Variants in DENND6A observed in about 807,000 individuals in gnomAD.
The protein encoded by DENND6A is protein DENND6A.
DENND6A carries 43 observed loss-of-function variants against 95.5 expected under a neutral mutation model. That is an observed-to-expected ratio of 0.45 (90% confidence interval 0.35 to 0.58). The LOEUF (loss-of-function observed/expected upper bound fraction) is 0.58. DENND6A is among the 20% of genes least tolerant of loss of function. The pLI is 0.00. For synonymous variants in DENND6A, 257 were observed against 260.4 expected (o/e 0.99, Z 0.13); for missense variants, 574 against 736.0 (o/e 0.78, Z 2.55).
chr3:57,646,120 G>C (rs2071074842), intron 10 of DENND6A, among the ~76,000 whole-genome samples, 196 bp downstream of exon 10: 1 of 152,156 alleles, frequency 6.6e-6, no homozygotes, highest in Non-Finnish European at 1.5e-5. Context: ...CAGCCCTCAG[G>C]GAGCCTGAAT....
At chr3:57,687,260 T>C (rs1008534796) in intron 1 of DENND6A, among the ~76,000 whole-genome samples, 1 of 152,160 alleles carries the variant, frequency 6.6e-6, no homozygotes, top group Non-Finnish European at 1.5e-5. Context: ...AAAGTCTGAG[T>C]GGTCTGGATA....
intron 1 of DENND6A, among the ~76,000 whole-genome samples, chr3:57,681,486 T>C (rs1354417173): frequency 1.3e-5 from 2 of 151,388 alleles, no homozygotes; most frequent in Non-Finnish European, 2.9e-5. Context: ...TAGGCAGGCA[T>C]AGTGGCAGGC....
intron 11 of DENND6A, 85 bp downstream of exon 11, chr3:57,645,576 C>T: frequency 2.0e-6 from 2 of 983,982 alleles, no homozygotes; most frequent in Admixed American, 2.4e-5. Flanking sequence ...ATCATTCTGC[C>T]TATAAGCTTT....
At chr3:57,659,793 G>A (rs1233651930) in intron 7 of DENND6A, among the ~76,000 whole-genome samples, 1 of 152,196 alleles carries the variant, frequency 6.6e-6, no homozygotes, top group Non-Finnish European at 1.5e-5. Flanking sequence ...AACATGTGTG[G>A]TCTGACATCA....
chr3:57,688,415 A>G (rs918193175), intron 1 of DENND6A, among the ~76,000 whole-genome samples: 3 of 152,022 alleles, frequency 2.0e-5, no homozygotes, highest in African/African-American at 7.3e-5. Flanking sequence ...TGTCCCTCCT[A>G]TTGCAGGGGT....
rs67472290 is a variant in DENND6A at position 57,650,421 on chromosome 3, T to TACACACACAC, written c.819-3993_819-3984dup. On this transcript the variant is annotated intron_variant, in intron 9 of 19. Transcript: ENST00000311128. Reference sequence around the variant, plus strand: ...GTGTGTATATATACATGCATTTACATACACACACACACACACACACACACA... The same window carrying TACACACACAC: ...GTGTGTATATATACATGCATTTACATACACACACACACACACACACACACACACACACACA... Among the ~76,000 whole-genome samples, 36 of 149,976 alleles carry TACACACACAC rather than the reference T, an allele frequency of 2.4e-4. No homozygotes were observed. The East Asian group carries it at 4.3e-3, about 18-fold the overall frequency.
At chr3:57,631,492 C>T (rs1485758488) in intron 15 of DENND6A, among the ~76,000 whole-genome samples, 6 of 152,062 alleles carry the variant, frequency 3.9e-5, no homozygotes, top group Non-Finnish European at 8.8e-5. Context: ...CCGCGCCCAA[C>T]AACGCGGTCC....
intron 10 of DENND6A, among the ~76,000 whole-genome samples, chr3:57,645,989 T>C (rs1031354593): frequency 3.3e-5 from 5 of 152,228 alleles, no homozygotes; most frequent in Non-Finnish European, 5.9e-5. Flanking sequence ...CTGGCTCTAC[T>C]GTTCACTAGC....
At chr3:57,637,772 A>G (rs1009035027) in intron 12 of DENND6A, among the ~76,000 whole-genome samples, 27 of 150,644 alleles carry the variant, frequency 1.8e-4, no homozygotes, top group Non-Finnish European at 2.9e-4. Context: ...ACTTCAAAAA[A>G]AAAAAAAGCA....
intron 5 of DENND6A, among the ~76,000 whole-genome samples, chr3:57,663,174 AT>A (rs1418356378): frequency 1.4e-5 from 2 of 146,852 alleles, no homozygotes; most frequent in Non-Finnish European, 1.5e-5. Flanking sequence ...AAAAAAAAAA[AT>A]CTATATATAA....
At chr3:57,636,516 G>C (rs559181994) in intron 12 of DENND6A, among the ~76,000 whole-genome samples, 1 of 152,306 alleles carries the variant, frequency 6.6e-6, no homozygotes, top group Admixed American at 6.5e-5. Flanking sequence ...AATATGGAGG[G>C]AAAGGTGCTG....
chr3:57,681,181 T>C (rs1406325449), intron 1 of DENND6A, among the ~76,000 whole-genome samples: 1 of 152,070 alleles, frequency 6.6e-6, no homozygotes, highest in Non-Finnish European at 1.5e-5. Context: ...AGTTTAAAAA[T>C]TAGCCAGGCC....
In DENND6A at chr3:57,672,305, A is replaced by C. The variant is rs1265538881; in HGVS notation, c.277-7T>G. ...AATAGCAAATATTGGTTTTCTGAAAAAGAAAACAAAAGTGATGTATGCTGA... is the reference window on the plus strand; with the variant it reads ...AATAGCAAATATTGGTTTTCTGAAACAGAAAACAAAAGTGATGTATGCTGA... On this transcript the variant is annotated splice_polypyrimidine_tract_variant and splice_region_variant and intron_variant, in intron 2 of 19. Transcript: ENST00000311128. 1.9e-6 allele frequency: 3 copies of C among 1,609,078 alleles called. No individual in the cohort carries two copies. Among genetic ancestry groups the C allele is most frequent in the Non-Finnish European group, 2.5e-6 (3 of 1,178,514 alleles).
chr3:57,633,427 A>G, intron 14 of DENND6A, 73 bp from the exon 15 acceptor site: 2 of 1,215,542 alleles, frequency 1.6e-6, no homozygotes, highest in Non-Finnish European at 2.4e-6. Context: ...ATCAGATTCA[A>G]TTGCTATGTA....
At chr3:57,646,871 T>G (rs756929728) in intron 9 of DENND6A, among the ~76,000 whole-genome samples, 3 of 152,110 alleles carry the variant, frequency 2.0e-5, no homozygotes, top group Non-Finnish European at 2.9e-5. Context: ...CTTCTGACAT[T>G]AAAGAATGAT....
intron 3 of DENND6A, among the ~76,000 whole-genome samples, chr3:57,670,693 T>C (rs531186083): frequency 6.6e-6 from 1 of 152,216 alleles, no homozygotes; most frequent in Admixed American, 6.5e-5. Context: ...TAAGCCAAAG[T>C]GGTATATTTG....
At chr3:57,690,279 G>A (rs1367964381) in intron 1 of DENND6A, among the ~76,000 whole-genome samples, 1 of 152,196 alleles carries the variant, frequency 6.6e-6, no homozygotes, top group Non-Finnish European at 1.5e-5. Flanking sequence ...GCTGAGGTGG[G>A]CAGATCACAC....
chr3:57,657,975 G>T (rs1167130004), intron 8 of DENND6A, among the ~76,000 whole-genome samples: 1 of 152,110 alleles, frequency 6.6e-6, no homozygotes, highest in Non-Finnish European at 1.5e-5. Flanking sequence ...GACAGCTCAT[G>T]CCTGTAATCC....
At chr3:57,660,663 A>G (rs2071405822) in intron 7 of DENND6A, 97 bp downstream of exon 7, 2 of 1,060,636 alleles carry the variant, frequency 1.9e-6, no homozygotes, top group Non-Finnish European at 2.6e-6. Flanking sequence ...AGCTGTGATC[A>G]TGCCACTGTA....
Sources: allele counts gnomAD v4.1 joint callset (sites outside exome capture counted in the v4.1 genomes callset), GRCh38; gene constraint gnomAD v4.1.1; transcripts MANE v1.5; gene names NCBI Gene and HGNC (gene_info 2026-07-23, HGNC 2026-07-21).